HAVCR2: variants seen among roughly 807,000 people sequenced by gnomAD.
HAVCR2 encodes hepatitis A virus cellular receptor 2, also known as T cell immunoglobulin mucin 3.
In HAVCR2, 13 loss-of-function variants were observed where a neutral mutation model predicts 24.7. The observed-to-expected ratio is 0.53, with a 90% CI of 0.34 to 0.84. HAVCR2 has a LOEUF of 0.84. Ranked by LOEUF, HAVCR2 falls within the 40% of genes least tolerant of loss-of-function variation. The probability of loss-of-function intolerance (pLI) is 0.01; values close to 1 mark genes in which losing one functional copy is unlikely to be tolerated. For missense variants in HAVCR2, 343 were observed against 371.2 expected, an observed-to-expected ratio of 0.92 and a Z score of 0.62; for synonymous variants, 154 against 143.4, an observed-to-expected ratio of 1.07 and a Z score of -0.53.
chr5:157,090,127 T>A (rs999225409), intron 5 of HAVCR2, among the ~76,000 whole-genome samples: 1 of 113,954 alleles, frequency 8.8e-6, no homozygotes, highest in Non-Finnish European at 1.8e-5. Context: ...CTTTTCTTTT[T>A]TTTTTTTTTT....
In HAVCR2 at chr5:157,105,134, G is replaced by A. The variant is rs1263718732; in HGVS notation, c.395-385C>T. Among the ~76,000 whole-genome samples the A allele has an allele frequency of 4.0e-5, 6 of 151,136 alleles. No individual in the cohort carries two copies. The South Asian group carries it at 6.3e-4, about 16-fold the overall frequency. On this transcript the variant is annotated intron_variant, in intron 2 of 6. Transcript: ENST00000307851. ...GGCTGGAGTGCAATGGCATAATCTC[G>A]GCTCACTGCAACCTCCGCCTCCTGG...
chr5:157,088,065 C>T (rs1756941006), intron 6 of HAVCR2, among the ~76,000 whole-genome samples: 2 of 152,084 alleles, frequency 1.3e-5, no homozygotes, highest in Non-Finnish European at 2.9e-5. Context: ...TCCAGCAATC[C>T]TTCCACCTAA....
intron 1 of HAVCR2, among the ~76,000 whole-genome samples, chr5:157,107,859 G>GC (rs34663733): frequency 0.025 from 3,300 of 129,902 alleles, 39 homozygotes; most frequent in South Asian, 0.03. Context: ...TTTTTCCTCT[G>GC]CCCCCCCCCC....
At chr5:157,094,782 C>G (rs1757067915) in intron 5 of HAVCR2, among the ~76,000 whole-genome samples, 1 of 151,986 alleles carries the variant, frequency 6.6e-6, no homozygotes, top group African/African-American at 2.4e-5. Context: ...GGAAAACATT[C>G]TCTAACCCCA....
chr5:157,098,407 A>C (rs1288437925), intron 4 of HAVCR2, among the ~76,000 whole-genome samples: 1 of 119,426 alleles, frequency 8.4e-6, no homozygotes, highest in Non-Finnish European at 1.7e-5. Flanking sequence ...AATTCTGTCT[A>C]AAAAAAAAAA....
chr5:157,096,923 A>G (rs1168573447), intron 4 of HAVCR2, among the ~76,000 whole-genome samples: 1 of 135,078 alleles, frequency 7.4e-6, no homozygotes, highest in Non-Finnish European at 1.6e-5. Flanking sequence ...CCCCATTTAT[A>G]CAAAACACAC....
chr5:157,106,321 A>G (rs372600434), intron 2 of HAVCR2: 135 of 270,718 alleles, frequency 5.0e-4, no homozygotes, highest in African/African-American at 2.9e-3. Flanking sequence ...TAGTGGAGAC[A>G]AGGTTTTACT....
rs1052694939 is a variant in HAVCR2 at position 157,086,559 on chromosome 5, A to G, written c.*543T>C. On this transcript the variant is annotated 3_prime_UTR_variant, in exon 7 of 7. Transcript: ENST00000307851. ...GCCACTCAGGAGGCTGAGGCAGGAG[A>G]ATCGCTTGAACCCAGGAGGCGGAGC... 5.9e-5 allele frequency: 9 copies of G among 152,846 alleles called. No individual in the cohort carries two copies. The highest frequency in any genetic ancestry group is 2.2e-4 in the African/African-American group (9 of 41,456). The allele number at this position is 152,846 out of a possible 1,614,324, so 9.5% of individuals were successfully genotyped here.
intron 1 of HAVCR2, among the ~76,000 whole-genome samples, chr5:157,107,553 GAA>G (rs1438507977): frequency 1.3e-5 from 2 of 152,160 alleles, no homozygotes; most frequent in African/African-American, 2.4e-5. Context: ...GTTGTGAAAA[GAA>G]ATTAAATTTT....
intron 2 of HAVCR2, chr5:157,106,350 T>C: frequency 2.6e-6 from 1 of 387,524 alleles, no homozygotes; most frequent in Non-Finnish European, 4.7e-6. Flanking sequence ...CAGGCTGGTC[T>C]CGAATTCCTG....
At chr5:157,104,771 G>A (rs371831395) in intron 2 of HAVCR2, 22 bp from the exon 3 acceptor site, 11 of 1,515,298 alleles carry the variant, frequency 7.3e-6, no homozygotes, top group Non-Finnish European at 9.9e-6. Flanking sequence ...AACAACATAA[G>A]GATGAAAATT....
chr5:157,097,814 G>T (rs1314715610), intron 4 of HAVCR2, among the ~76,000 whole-genome samples: 2 of 150,658 alleles, frequency 1.3e-5, no homozygotes, highest in Admixed American at 6.6e-5. Flanking sequence ...TGTTGACCAG[G>T]CTGGTCTCAA....
In HAVCR2 at chr5:157,106,644, T is replaced by C; in HGVS notation, c.377A>G (p.Lys126Arg). 1.9e-6 allele frequency: 3 copies of C among 1,614,116 alleles called. No homozygotes were observed. The highest frequency in any genetic ancestry group is 2.2e-5 in the South Asian group (2 of 91,088). Residue 126 changes from lysine (K) to arginine (R), a missense_variant, in exon 2 of 7, where the codon AAG (lysine) becomes AGG (arginine). By Grantham distance (26) the Lys-to-Arg change is conservative (BLOSUM62 2). Coordinates refer to ENST00000307851, the MANE Select transcript of HAVCR2 (RefSeq NM_032782.5). Reference sequence around the variant, plus strand: ...CCACTCACCTGGTTTGATGACCAACTTCAGGTTAAATTTTTCATCATTCAT... The same window carrying C: ...CCACTCACCTGGTTTGATGACCAACCTCAGGTTAAATTTTTCATCATTCAT... ...GIMNDEKFNL[K>R]LVIKPAKVTP...
intron 3 of HAVCR2, among the ~76,000 whole-genome samples, chr5:157,102,580 C>T (rs1328695043): frequency 6.6e-6 from 1 of 152,000 alleles, no homozygotes; most frequent in Non-Finnish European, 1.5e-5. Flanking sequence ...CTCAGAGGTT[C>T]GAGGTATTAT....
intron 5 of HAVCR2, among the ~76,000 whole-genome samples, chr5:157,092,941 G>A (rs1164981494): frequency 1.5e-5 from 2 of 134,184 alleles, no homozygotes; most frequent in East Asian, 2.3e-4. Flanking sequence ...GGTGGCATAT[G>A]CCTGTAATCT....
intron 3 of HAVCR2, among the ~76,000 whole-genome samples, chr5:157,103,042 C>T (rs1757191765): frequency 6.6e-6 from 1 of 151,468 alleles, no homozygotes; most frequent in Non-Finnish European, 1.5e-5. Context: ...ACTCCGTCTA[C>T]AGCAAATGCC....
Position 157,106,730 on chromosome 5 carries a change from T to C in HAVCR2, c.291A>G (p.Ile97Met), listed in dbSNP as rs35960726. The change falls in exon 2 of 7, where the codon ATA (isoleucine) becomes ATG (methionine). Residue 97 changes from isoleucine (I) to methionine (M), a missense_variant. By Grantham distance (10) the Ile-to-Met change is conservative. Transcript: ENST00000307851. ...DFRKGDVSLT[I>M]ENVTLADSGI... ...CACTGTCTGCTAGAGTCACATTCTCTATGGTCAGGGACACATCTCCTTTGC... is the reference window on the plus strand; with the variant it reads ...CACTGTCTGCTAGAGTCACATTCTCCATGGTCAGGGACACATCTCCTTTGC... 2.5e-3 allele frequency: 4,090 copies of C among 1,614,234 alleles called. 18 individuals are homozygous for C. Among genetic ancestry groups the C allele is most frequent in the Non-Finnish European group, 3.0e-3 (3,587 of 1,180,036 alleles).
intron 2 of HAVCR2, chr5:157,104,996 A>G (rs927805550): frequency 4.0e-6 from 1 of 248,294 alleles, no homozygotes; most frequent in African/African-American, 2.3e-5. Context: ...AGCCACACAA[A>G]TGGCCATAAT....
At chr5:157,102,667 G>A (rs1279323300) in intron 3 of HAVCR2, among the ~76,000 whole-genome samples, 1 of 152,150 alleles carries the variant, frequency 6.6e-6, no homozygotes, top group Non-Finnish European at 1.5e-5. Context: ...GGGCGTGGTG[G>A]CTTACACCTG....
Sources: allele counts gnomAD v4.1 joint callset (sites outside exome capture counted in the v4.1 genomes callset), GRCh38; gene constraint gnomAD v4.1.1; transcripts MANE v1.5; gene names NCBI Gene and HGNC (gene_info 2026-07-23, HGNC 2026-07-21).